The following PIWIL1 variants were observed in gnomAD, a reference collection of about 807,000 sequenced individuals.
The protein encoded by PIWIL1 is piwi-like protein 1.
In PIWIL1, 73 loss-of-function variants were observed where a neutral mutation model predicts 114.4. The observed-to-expected ratio is 0.64, with a 90% CI of 0.53 to 0.78. The LOEUF is 0.78. PIWIL1 is among the 30% of genes least tolerant of loss of function. PIWIL1 has a pLI of 0.00. For missense variants in PIWIL1, 723 were observed against 1,063.1 expected (o/e 0.68, Z 4.45); for synonymous variants, 375 against 369.0 (o/e 1.02, Z -0.19).
intron 12 of PIWIL1, among the ~76,000 whole-genome samples, chr12:130,356,324 G>A (rs2136163429): frequency 6.8e-6 from 1 of 146,878 alleles, no homozygotes; most frequent in Admixed American, 6.8e-5. Flanking sequence ...TCCTGCCTTT[G>A]AAATGTCCTG....
the PIWIL1 span, among the ~76,000 whole-genome samples, chr12:130,394,390 A>G: frequency 6.6e-6 from 1 of 152,138 alleles, no homozygotes; most frequent in Non-Finnish European, 1.5e-5. Flanking sequence ...ATAGCTAGGT[A>G]TTTTTTCTTT....
the PIWIL1 span, chr12:130,399,069 T>C: frequency 3.1e-5 from 33 of 1,075,934 alleles, 1 homozygote; most frequent in Middle Eastern, 2.2e-4. Context: ...CCGGTTAAGG[T>C]AGCTTAAGTT....
rs1310970971 is a variant in PIWIL1, at chr12:130,347,063, G to T, written c.653+1G>T. 6.3e-7 allele frequency: 1 copy of T among 1,599,140 alleles called. No individual in the cohort carries two copies. ...AGTTCTATAATATTATTTTCAGGAG[G>T]TATGTGTTTTATTTCAACATTTTAT... On this transcript the variant is annotated splice_donor_variant, in intron 6 of 20. Coordinates refer to ENST00000245255, the MANE Select transcript of PIWIL1 (RefSeq NM_004764.5). LOFTEE classifies it high-confidence loss of function.
chr12:130,389,363 G>T, the PIWIL1 span, among the ~76,000 whole-genome samples: 1 of 151,956 alleles, frequency 6.6e-6, no homozygotes. Flanking sequence ...ATATAAGATT[G>T]GGGTGATCTG....
chr12:130,414,561 C>A, the PIWIL1 span: 33 of 316,096 alleles, frequency 1.0e-4, 2 homozygotes, highest in South Asian at 1.6e-3. Flanking sequence ...GCCTCGGGGG[C>A]CTCCTCAGAG....
the PIWIL1 span, chr12:130,398,176 A>G: frequency 2.0e-5 from 3 of 152,366 alleles, no homozygotes; most frequent in African/African-American, 7.2e-5. Flanking sequence ...GTATTTAAAT[A>G]TACGTTAAGC....
At chr12:130,373,571 C>T (rs2073844524), downstream of PIWIL1, among the ~76,000 whole-genome samples, 2 of 152,126 alleles carry the variant, frequency 1.3e-5, no homozygotes, top group African/African-American at 4.8e-5. Context: ...CCCAAATTTA[C>T]TAATCTGTTA....
chr12:130,357,568 G>A lies in PIWIL1; in HGVS notation c.1665+15G>A. On this transcript the variant is annotated intron_variant, in intron 14 of 20. Coordinates refer to ENST00000245255, the MANE Select transcript of PIWIL1 (RefSeq NM_004764.5). ...ACACCCAGATAGTAAGTAACTAATTGACATATAGGCAGTTTTCGGTGAAAG... is the reference window on the plus strand; with the variant it reads ...ACACCCAGATAGTAAGTAACTAATTAACATATAGGCAGTTTTCGGTGAAAG... The A allele has an allele frequency of 1.3e-6, 2 of 1,568,436 alleles. No individual in the cohort carries two copies. Among genetic ancestry groups the A allele is most frequent in the South Asian group, 1.1e-5 (1 of 90,058 alleles).
At chr12:130,392,620 C>G in the PIWIL1 span, among the ~76,000 whole-genome samples, 240 of 51,124 alleles carry the variant, frequency 4.7e-3, no homozygotes, top group African/African-American at 0.011. Flanking sequence ...CATCACGTGT[C>G]TGTCAGTTAC....
chr12:130,383,389 C>G, the PIWIL1 span: 3 of 152,180 alleles, frequency 2.0e-5, no homozygotes, highest in South Asian at 6.2e-4. Context: ...AACAGCAAAC[C>G]AGAGCCCCCA....
intron 18 of PIWIL1, among the ~76,000 whole-genome samples, chr12:130,364,397 A>G (rs540632165): frequency 5.9e-5 from 9 of 152,326 alleles, no homozygotes; most frequent in African/African-American, 2.2e-4. Context: ...CCTTATTTCT[A>G]CTAACGGGCT....
At chr12:130,418,399 C>T in the PIWIL1 span, among the ~76,000 whole-genome samples, 2 of 152,228 alleles carry the variant, frequency 1.3e-5, no homozygotes, top group East Asian at 1.9e-4. Flanking sequence ...GCCTCTACAA[C>T]AGGCACAGCT....
At chr12:130,362,886 A>C (rs762370318) in intron 17 of PIWIL1, 50 bp downstream of exon 17, 2 of 1,610,764 alleles carry the variant, frequency 1.2e-6, no homozygotes, top group South Asian at 2.2e-5. Context: ...GGGGTCTTCC[A>C]GAAATTACCC....
chr12:130,393,424 T>C, the PIWIL1 span, among the ~76,000 whole-genome samples: 2 of 151,020 alleles, frequency 1.3e-5, no homozygotes, highest in African/African-American at 4.9e-5. Flanking sequence ...AGTTACCTGG[T>C]GAATACTGAA....
At chr12:130,393,060 C>T in the PIWIL1 span, among the ~76,000 whole-genome samples, 1 of 10,044 alleles carries the variant, frequency 1.0e-4, no homozygotes, top group Non-Finnish European at 2.3e-4. Flanking sequence ...TTACCTGGTG[C>T]ATATTGAATG....
At position 130,346,991 on chromosome 12, in the gene PIWIL1, G is replaced by A. The variant is rs759488848; in HGVS notation, c.582G>A (p.Thr194=). 35 of 1,613,610 alleles carry A rather than the reference G, an allele frequency of 2.2e-5. No homozygotes were observed. The highest frequency in any genetic ancestry group is 8.3e-5 in the Admixed American group (5 of 59,978). Residue 194 remains threonine (T), a synonymous_variant, in exon 6 of 21, where the codon ACG becomes ACA. Coordinates refer to ENST00000245255, the MANE Select transcript of PIWIL1 (RefSeq NM_004764.5). Reference sequence around the variant, plus strand: ...GGAATGGAGAGGATGTGAGGATAACGATCACTTTAACAAATGAACTTCCAC... The same window carrying A: ...GGAATGGAGAGGATGTGAGGATAACAATCACTTTAACAAATGAACTTCCAC... ...KTRNGEDVRI[T]ITLTNELPPT... is the part of the protein sequence containing the mutation.
intron 3 of PIWIL1, among the ~76,000 whole-genome samples, chr12:130,343,495 A>G (rs966457029): frequency 6.6e-6 from 1 of 152,204 alleles, no homozygotes; most frequent in Non-Finnish European, 1.5e-5. Flanking sequence ...ATTGCTTGTC[A>G]CGGTAAATGC....
the PIWIL1 span, chr12:130,419,887 C>T: frequency 6.6e-6 from 1 of 152,044 alleles, no homozygotes; most frequent in African/African-American, 2.4e-5. The surrounding 1 kb of genome is among the most constrained non-coding windows in gnomAD (Gnocchi z 4.3). Flanking sequence ...TTTGAAGCCA[C>T]ATAATTTTGT....
chr12:130,344,956 G>C (rs959792186), intron 3 of PIWIL1, among the ~76,000 whole-genome samples: 1 of 152,122 alleles, frequency 6.6e-6, no homozygotes, highest in Non-Finnish European at 1.5e-5. Context: ...GTTAGTTATT[G>C]GATAGTCAAC....
Sources: gnomAD v4.1 joint callset for allele counts (sites outside exome capture counted in the v4.1 genomes callset) on GRCh38, gnomAD v4.1.1 for gene constraint, Gnocchi (gnomAD v3.1) non-coding constraint, MANE v1.5 for transcripts, NCBI Gene and HGNC (gene_info 2026-07-23, HGNC 2026-07-21) for gene names.